EVC: variants seen among roughly 807,000 people sequenced by gnomAD.
The protein encoded by EVC is evC complex member EVC.
In EVC, 116 loss-of-function variants were observed where a neutral mutation model predicts 118.9. That is an observed-to-expected ratio of 0.98 (90% CI 0.84 to 1.14). The LOEUF is 1.14. Among genes scored for constraint, EVC ranks in the 50% most tolerant of loss-of-function variants. The probability of loss-of-function intolerance (pLI) is 0.00; values close to 1 mark genes in which losing one functional copy is unlikely to be tolerated. For missense variants in EVC, 1,401 were observed against 1,246.4 expected, an observed-to-expected ratio of 1.12 and a Z score of -1.87; for synonymous variants, 619 against 534.7, an observed-to-expected ratio of 1.16 and a Z score of -2.18.
At chr4:5,724,356 C>T (rs567261979) in intron 2 of EVC, among the ~76,000 whole-genome samples, 2 of 152,304 alleles carry the variant, frequency 1.3e-5, no homozygotes, top group Admixed American at 1.3e-4. Flanking sequence ...TGTGGGAGTG[C>T]GCGATGCCTC....
intron 12 of EVC, 25 bp downstream of exon 12, chr4:5,783,789 G>T (rs373876328): frequency 6.3e-7 from 1 of 1,578,064 alleles, no homozygotes; most frequent in Non-Finnish European, 8.6e-7. Flanking sequence ...GAACCCAGGG[G>T]CTGGGGTCTG....
the EVC span, chr4:5,825,919 C>CG: frequency 2.0e-6 from 1 of 507,022 alleles, no homozygotes; most frequent in African/African-American, 2.0e-5. The surrounding 1 kb of genome is among the most constrained non-coding windows in gnomAD (Gnocchi z 4.4). Context: ...ACCACGCACA[C>CG]GCACTCACAT....
chr4:5,800,209 G>A (rs2152351623), intron 15 of EVC, among the ~76,000 whole-genome samples: 1 of 152,304 alleles, frequency 6.6e-6, no homozygotes, highest in Non-Finnish European at 1.5e-5. Context: ...GCTAGGTGTA[G>A]TGGTGTGCGC....
chr4:5,827,491 G>T, the EVC span, among the ~76,000 whole-genome samples: 1 of 152,154 alleles, frequency 6.6e-6, no homozygotes, highest in Non-Finnish European at 1.5e-5. Context: ...TGGAGCCTGG[G>T]AATGCAGGAA....
chr4:5,741,792 A>G lies in EVC; in HGVS notation c.779A>G (p.Lys260Arg), dbSNP rs748555065. The change falls in exon 6 of 21, where the codon AAG (lysine) becomes AGG (arginine). Residue 260 changes from lysine (K) to arginine (R), a missense_variant. By Grantham distance (26) the Lys-to-Arg change is conservative. Transcript: ENST00000264956. Reference sequence around the variant, plus strand: ...AAGTCAGATGATGAACTATACCAGAAGATCCTTTCAAAACAAGAAAAAGTA... The same window carrying G: ...AAGTCAGATGATGAACTATACCAGAGGATCCTTTCAAAACAAGAAAAAGTA... The part of the protein sequence containing the change: ...KKKSDDELYQ[K>R]ILSKQEKDLE... The G allele has an allele frequency of 6.6e-7, 1 of 1,519,824 alleles. No individual in the cohort carries two copies. The highest frequency in any genetic ancestry group is 9.1e-7 in the Non-Finnish European group (1 of 1,095,902). The allele number at this position is 1,519,824 out of a possible 1,614,324, so 94.1% of individuals were successfully genotyped here. A position where few individuals can be genotyped will look rare whatever the true frequency, so the allele number is the denominator to read the frequency against.
chr4:5,810,918 C>T (rs373551600), intron 20 of EVC, 35 bp from the exon 21 acceptor site: 122 of 1,576,350 alleles, frequency 7.7e-5, no homozygotes, highest in African/African-American at 6.8e-4. Flanking sequence ...ATGGAGTCAG[C>T]GTTCTAACTG....
At chr4:5,727,483 G>A (rs969675564) in intron 2 of EVC, among the ~76,000 whole-genome samples, 1 of 152,184 alleles carries the variant, frequency 6.6e-6, no homozygotes, top group South Asian at 2.1e-4. Flanking sequence ...CCCTTTGTCA[G>A]ATGAGTAGGT....
At position 5,809,238 on chromosome 4, in the gene EVC, G is replaced by A. The variant is rs556236399; in HGVS notation, c.2689-280G>A. On this transcript the variant is annotated intron_variant, in intron 18 of 20. Coordinates refer to ENST00000264956, the MANE Select transcript of EVC (RefSeq NM_153717.3). ...CATCCTATTCTGCTGCACCTGCTCCGGGCAGGTCACTGAGGCCCTCTGACC... is the reference window on the plus strand; with the variant it reads ...CATCCTATTCTGCTGCACCTGCTCCAGGCAGGTCACTGAGGCCCTCTGACC... 1.4e-3 allele frequency among the ~76,000 whole-genome samples: 215 copies of A among 152,280 alleles called. 1 individual carries two copies. The highest frequency in any genetic ancestry group is 4.5e-3 in the African/African-American group (186 of 41,562).
In EVC at chr4:5,731,307, C is replaced by T; in HGVS notation, c.385-118C>T. ...GGTGTCTGCTGGCACCCTGGCCAGT[C>T]TCCTCCAGGCAGACCTTCCTGTGAG... On this transcript the variant is annotated intron_variant, in intron 3 of 20. Transcript: ENST00000264956. The surrounding 1 kb of genome is among the most constrained non-coding windows in gnomAD (Gnocchi z 5.6). 2 of 909,358 alleles carry T rather than the reference C, an allele frequency of 2.2e-6. No individual in the cohort carries two copies. The highest frequency in any genetic ancestry group is 1.3e-5 in the South Asian group (1 of 75,610). 56.3% of individuals were successfully genotyped at this position (909,358 alleles called of 1,614,324 possible). A position where few individuals can be genotyped will look rare whatever the true frequency, so the allele number is the denominator to read the frequency against.
intron 1 of EVC, among the ~76,000 whole-genome samples, chr4:5,717,533 G>A (rs570417643): frequency 6.6e-6 from 1 of 152,136 alleles, no homozygotes; most frequent in Non-Finnish European, 1.5e-5. Context: ...ATCTGACTGG[G>A]TTCTTCTTTG....
chr4:5,799,030 A>G (rs1330201375), intron 15 of EVC, among the ~76,000 whole-genome samples: 1 of 152,154 alleles, frequency 6.6e-6, no homozygotes, highest in Non-Finnish European at 1.5e-5. Flanking sequence ...CCTGCGCTGC[A>G]TCATCCTGAG....
intron 2 of EVC, among the ~76,000 whole-genome samples, chr4:5,726,910 T>A (rs1368407723): frequency 6.6e-6 from 1 of 152,110 alleles, no homozygotes; most frequent in East Asian, 1.9e-4. Flanking sequence ...CTCATCATTT[T>A]TTATGGTTGC....
At chr4:5,769,183 G>A (rs1486021604) in intron 11 of EVC, among the ~76,000 whole-genome samples, 4 of 152,154 alleles carry the variant, frequency 2.6e-5, no homozygotes, top group Non-Finnish European at 4.4e-5. Flanking sequence ...AGTTATGGCG[G>A]AAGGCAAATG....
chr4:5,825,685 T>G, the EVC span: 1 of 1,610,236 alleles, frequency 6.2e-7, no homozygotes, highest in African/African-American at 1.3e-5. The surrounding 1 kb of genome is among the most constrained non-coding windows in gnomAD (Gnocchi z 4.4). Flanking sequence ...GAGAGTGTGA[T>G]TGATCGACAC....
At position 5,813,046 on chromosome 4, in the gene EVC, T is replaced by C. The variant is rs79152885; in HGVS notation, c.*2009T>C. 0.062 allele frequency: 9,485 copies of C among 152,290 alleles called. 457 individuals carry two copies. Among genetic ancestry groups the C allele is most frequent in the African/African-American group, 0.13 (5,194 of 41,542 alleles). 9.4% of individuals were successfully genotyped at this position (152,290 alleles called of 1,614,324 possible). A position where few individuals can be genotyped will look rare whatever the true frequency, so the allele number is the denominator to read the frequency against. ...GACTCTCTTAGAAACAAGTGACTCCTTCCCAGTGGCCAAAACTTAATCATC... is the reference window on the plus strand; with the variant it reads ...GACTCTCTTAGAAACAAGTGACTCCCTCCCAGTGGCCAAAACTTAATCATC... On this transcript the variant is annotated 3_prime_UTR_variant, in exon 21 of 21. Coordinates refer to ENST00000264956, the MANE Select transcript of EVC (RefSeq NM_153717.3).
intron 11 of EVC, among the ~76,000 whole-genome samples, chr4:5,768,942 C>A (rs1733486105): frequency 6.6e-6 from 1 of 152,122 alleles, no homozygotes; most frequent in Non-Finnish European, 1.5e-5. Context: ...CCCTGCCTTG[C>A]TGGCTGGCTG....
intron 11 of EVC, among the ~76,000 whole-genome samples, chr4:5,777,013 T>C (rs1052715901): frequency 6.6e-6 from 1 of 152,194 alleles, no homozygotes; most frequent in Non-Finnish European, 1.5e-5. Flanking sequence ...GAAGTACCTG[T>C]GGGTTTGTTT....
the EVC span, among the ~76,000 whole-genome samples, chr4:5,820,342 T>G: frequency 1.6e-5 from 2 of 127,764 alleles, no homozygotes; most frequent in African/African-American, 9.3e-5. Context: ...GTCATCACTA[T>G]TACTAACAAC....
downstream of EVC, among the ~76,000 whole-genome samples, chr4:5,817,213 G>T (rs1305211447): frequency 6.6e-6 from 1 of 152,220 alleles, no homozygotes; most frequent in Non-Finnish European, 1.5e-5. Context: ...TCCAAATACA[G>T]TGGCCTGGAT....
Sources: allele counts gnomAD v4.1 joint callset (sites outside exome capture counted in the v4.1 genomes callset), GRCh38; gene constraint gnomAD v4.1.1; non-coding constraint Gnocchi (gnomAD v3.1); transcripts MANE v1.5; gene names NCBI Gene and HGNC (gene_info 2026-07-23, HGNC 2026-07-21).